BMAL2: variants seen among roughly 807,000 people sequenced by gnomAD.
The protein encoded by BMAL2 is basic helix-loop-helix ARNT like 2.
the BMAL2 span, among the ~76,000 whole-genome samples, chr12:27,384,840 A>G: frequency 6.6e-6 from 1 of 152,212 alleles, no homozygotes; most frequent in African/African-American, 2.4e-5. Context: ...ACCACAGGTA[A>G]CTGAAACCAC....
chr12:27,400,744 T>C, the BMAL2 span: 4 of 1,610,654 alleles, frequency 2.5e-6, no homozygotes, highest in African/African-American at 5.3e-5. Flanking sequence ...CGGTTTGCAG[T>C]GAATGGAAAA....
the BMAL2 span, chr12:27,418,179 G>A: frequency 1.6e-5 from 25 of 1,609,924 alleles, no homozygotes; most frequent in Non-Finnish European, 2.0e-5. Flanking sequence ...GCTGTCCACA[G>A]CCATGAGCCA....
chr12:27,394,788 G>A, the BMAL2 span, among the ~76,000 whole-genome samples: 9 of 152,166 alleles, frequency 5.9e-5, no homozygotes, highest in Non-Finnish European at 1.2e-4. Flanking sequence ...TTTGGATGAG[G>A]TCATGAGGAT....
the BMAL2 span, among the ~76,000 whole-genome samples, chr12:27,388,107 A>ACG: frequency 1.3e-5 from 2 of 151,902 alleles, no homozygotes; most frequent in East Asian, 3.9e-4. Flanking sequence ...ATGCACGCAC[A>ACG]CACACACACA....
At chr12:27,414,818 A>T in the BMAL2 span, among the ~76,000 whole-genome samples, 2 of 152,196 alleles carry the variant, frequency 1.3e-5, no homozygotes, top group African/African-American at 4.8e-5. Context: ...AAAACAATAG[A>T]AATGACTGAT....
chr12:27,403,320 C>T, the BMAL2 span: 1 of 711,452 alleles, frequency 1.4e-6, no homozygotes, highest in Non-Finnish European at 2.4e-6. Context: ...GAGTGTTTTC[C>T]AACTTTTTTG....
the BMAL2 span, among the ~76,000 whole-genome samples, chr12:27,406,962 A>G: frequency 6.6e-6 from 1 of 152,190 alleles, no homozygotes. Flanking sequence ...GATAAAACAG[A>G]CTTTAAACCA....
chr12:27,401,461 C>T, the BMAL2 span: 19 of 1,541,648 alleles, frequency 1.2e-5, no homozygotes, highest in Non-Finnish European at 1.8e-6. Context: ...TTGAATTAAT[C>T]TTCACAACAT....
the BMAL2 span, chr12:27,380,437 A>C: frequency 6.2e-7 from 1 of 1,609,600 alleles, no homozygotes; most frequent in Non-Finnish European, 8.5e-7. Context: ...CACTTCGATA[A>C]GTGAAATCTG....
chr12:27,380,464 T>C, the BMAL2 span: 1 of 1,572,176 alleles, frequency 6.4e-7, no homozygotes, highest in Non-Finnish European at 8.7e-7. Context: ...CACTGAGGTC[T>C]CTGATTGGTT....
At chr12:27,334,670 C>T in the BMAL2 span, among the ~76,000 whole-genome samples, 6 of 152,206 alleles carry the variant, frequency 3.9e-5, no homozygotes, top group African/African-American at 1.4e-4. Context: ...TGCTATTTAT[C>T]TAACTATTTT....
the BMAL2 span, among the ~76,000 whole-genome samples, chr12:27,338,010 C>T: frequency 6.6e-6 from 1 of 152,140 alleles, no homozygotes; most frequent in African/African-American, 2.4e-5. Context: ...TATTTGGTTT[C>T]TTAGCTCCAC....
chr12:27,402,213 C>T, the BMAL2 span, among the ~76,000 whole-genome samples: 1 of 151,912 alleles, frequency 6.6e-6, no homozygotes, highest in South Asian at 2.1e-4. Context: ...GTAAGTCTTA[C>T]TTTTTTTCTG....
the BMAL2 span, chr12:27,368,193 G>A: frequency 6.5e-7 from 1 of 1,546,234 alleles, no homozygotes; most frequent in Non-Finnish European, 8.8e-7. Flanking sequence ...TAAAATGTGT[G>A]ATATGGATAT....
chr12:27,419,783 TAGTC>T, the BMAL2 span, among the ~76,000 whole-genome samples: 1 of 152,184 alleles, frequency 6.6e-6, no homozygotes, highest in Admixed American at 6.5e-5. Context: ...AACCTTTGGT[TAGTC>T]TTTATCTGCA....
At chr12:27,410,168 A>G in the BMAL2 span, among the ~76,000 whole-genome samples, 442 of 152,226 alleles carry the variant, frequency 2.9e-3, no homozygotes, top group Non-Finnish European at 5.0e-3. Context: ...TAGTTCAACC[A>G]TTGTGGAAGT....
At chr12:27,387,382 T>A in the BMAL2 span, 78 of 1,198,488 alleles carry the variant, frequency 6.5e-5, no homozygotes, top group Non-Finnish European at 8.5e-5. Context: ...CACATATTTT[T>A]AAGCTCTTTT....
the BMAL2 span, among the ~76,000 whole-genome samples, chr12:27,371,323 G>A: frequency 6.6e-6 from 1 of 152,158 alleles, no homozygotes; most frequent in South Asian, 2.1e-4. Flanking sequence ...ATTCCAGCCT[G>A]GGTGACAAGA....
At chr12:27,359,972 G>A in the BMAL2 span, among the ~76,000 whole-genome samples, 1 of 150,648 alleles carries the variant, frequency 6.6e-6, no homozygotes, top group Non-Finnish European at 1.5e-5. Flanking sequence ...AGGATGGCTT[G>A]AGCCCAGGAG....
Sources: allele counts gnomAD v4.1 joint callset (sites outside exome capture counted in the v4.1 genomes callset), GRCh38; gene constraint gnomAD v4.1.1; transcripts MANE v1.5; gene names NCBI Gene and HGNC (gene_info 2026-07-23, HGNC 2026-07-21).